The following ERC2 variants were observed in gnomAD, a reference collection of about 807,000 sequenced individuals.
ERC2 encodes the protein ERC protein 2.
A neutral mutation model predicts 114.8 loss-of-function variants in ERC2; 42 were observed. The observed-to-expected ratio is 0.37, with a 90% CI of 0.29 to 0.47. The LOEUF is 0.47. Among genes scored for constraint, ERC2 ranks in the 20% least tolerant of loss-of-function variants. The probability of loss-of-function intolerance (pLI) is 0.99; values close to 1 mark genes in which losing one functional copy is unlikely to be tolerated. For missense variants in ERC2, 939 were observed against 1,150.7 expected (o/e 0.82, Z 2.66); for synonymous variants, 454 against 425.5 (o/e 1.07, Z -0.82).
intron 12 of ERC2, among the ~76,000 whole-genome samples, chr3:55,980,697 C>T (rs939195058): frequency 2.0e-5 from 3 of 151,614 alleles, no homozygotes; most frequent in South Asian, 2.1e-4. Flanking sequence ...TATGGTAGTA[C>T]CAACCAAAAG....
chr3:55,987,721 A>AAC (rs2070741961), intron 11 of ERC2, among the ~76,000 whole-genome samples: 1 of 152,248 alleles, frequency 6.6e-6, no homozygotes, highest in Middle Eastern at 3.2e-3. Flanking sequence ...AAGAAAAAAT[A>AAC]ACATTCTCTT....
intron 14 of ERC2, among the ~76,000 whole-genome samples, chr3:55,812,889 G>T (rs373925626): frequency 7.9e-5 from 12 of 152,236 alleles, no homozygotes; most frequent in African/African-American, 2.9e-4. Context: ...CTTGCATGCT[G>T]CCTGGACCAA....
intron 10 of ERC2, among the ~76,000 whole-genome samples, chr3:56,000,625 A>G (rs1057165203): frequency 6.6e-6 from 1 of 152,154 alleles, no homozygotes; most frequent in Admixed American, 6.6e-5. Flanking sequence ...AAAGTTATGT[A>G]AAATGACAAT....
chr3:55,957,709 G>A (rs1409813840), intron 12 of ERC2, among the ~76,000 whole-genome samples: 2 of 152,194 alleles, frequency 1.3e-5, no homozygotes, highest in Non-Finnish European at 2.9e-5. Flanking sequence ...GCACAGCCAG[G>A]TGTTCCAGCT....
At chr3:55,903,536 A>G (rs1182585345) in intron 13 of ERC2, among the ~76,000 whole-genome samples, 1 of 152,234 alleles carries the variant, frequency 6.6e-6, no homozygotes, top group Admixed American at 6.5e-5. Context: ...CATTTCTTCA[A>G]GAATATATAG....
At chr3:55,995,006 A>T (rs1914864) in intron 10 of ERC2, among the ~76,000 whole-genome samples, 108,227 of 152,142 alleles carry the variant, frequency 0.71, 38,642 homozygotes, top group Middle Eastern at 0.84. Context: ...TATTAACAGA[A>T]CACACTTCAA....
intron 5 of ERC2, among the ~76,000 whole-genome samples, chr3:56,148,322 G>A (rs2081250833): frequency 6.6e-6 from 1 of 151,848 alleles, no homozygotes. Flanking sequence ...GTCTTGCTCT[G>A]TCACCCAGGC....
chr3:56,285,760 TAC>T (rs778047912), intron 3 of ERC2, among the ~76,000 whole-genome samples: 2 of 152,228 alleles, frequency 1.3e-5, no homozygotes, highest in Non-Finnish European at 2.9e-5. Context: ...CCTGCAGATA[TAC>T]ACAGTTTCTT....
rs60497866 is a variant in ERC2 at position 56,056,864 on chromosome 3, G to T, written c.1641+23953C>A. Reference sequence around the variant, plus strand: ...TTTTTTAAAAAAGGATTCATTAGGCGCCAGTTATTGTACTGAGCTCTTTTC... The same window carrying T: ...TTTTTTAAAAAAGGATTCATTAGGCTCCAGTTATTGTACTGAGCTCTTTTC... On this transcript the variant is annotated intron_variant, in intron 7 of 17. Transcript: ENST00000288221. Among the ~76,000 whole-genome samples the T allele has an allele frequency of 2.6e-3, 399 of 152,178 alleles. 2 individuals carry two copies. Among genetic ancestry groups the T allele is most frequent in the African/African-American group, 9.3e-3 (384 of 41,504 alleles).
intron 17 of ERC2, among the ~76,000 whole-genome samples, chr3:55,625,729 C>T (rs9311573): frequency 0.36 from 54,402 of 150,868 alleles, 10,534 homozygotes; most frequent in East Asian, 0.61. Flanking sequence ...CCAGCCTGGG[C>T]GACAGAGCGA....
intron 17 of ERC2, among the ~76,000 whole-genome samples, chr3:55,607,584 C>T (rs1235902020): frequency 6.8e-6 from 1 of 146,424 alleles, no homozygotes; most frequent in Non-Finnish European, 1.5e-5. Context: ...AGTGGGATCT[C>T]AGGAAACTAA....
chr3:56,368,184 T>TAAAA (rs779938850), intron 2 of ERC2, among the ~76,000 whole-genome samples: 143 of 87,974 alleles, frequency 1.6e-3, no homozygotes, highest in African/African-American at 4.6e-3. Flanking sequence ...TCTTTTTTTT[T>TAAAA]TAAAAAAAAA....
intron 3 of ERC2, among the ~76,000 whole-genome samples, chr3:56,241,573 T>C (rs968142507): frequency 6.6e-6 from 1 of 152,198 alleles, no homozygotes; most frequent in Non-Finnish European, 1.5e-5. Flanking sequence ...ACTTTCTTGA[T>C]AGAAAATTGG....
chr3:56,170,854 T>C (rs2082627380), intron 4 of ERC2, among the ~76,000 whole-genome samples: 1 of 148,062 alleles, frequency 6.8e-6, no homozygotes, highest in East Asian at 2.1e-4. Context: ...AAGCTCCGCC[T>C]CCTGGGTTCA....
At chr3:56,037,736 C>T (rs2074895972) in intron 7 of ERC2, among the ~76,000 whole-genome samples, 2 of 152,082 alleles carry the variant, frequency 1.3e-5, no homozygotes, top group Non-Finnish European at 2.9e-5. Context: ...AGATCAACCC[C>T]AAGACACAGA....
At chr3:55,885,632 A>C (rs1490492068) in intron 14 of ERC2, among the ~76,000 whole-genome samples, 1 of 152,258 alleles carries the variant, frequency 6.6e-6, no homozygotes, top group Non-Finnish European at 1.5e-5. Flanking sequence ...CCATGAAGTT[A>C]AGTGGGAAAA....
chr3:56,413,922 T>C (rs1382375033), intron 2 of ERC2, among the ~76,000 whole-genome samples: 1 of 152,164 alleles, frequency 6.6e-6, no homozygotes, highest in Non-Finnish European at 1.5e-5. Context: ...ACCACAGCCC[T>C]TGTCTGATCA....
chr3:55,944,481 A>T (rs2067006493), intron 13 of ERC2, among the ~76,000 whole-genome samples: 1 of 152,276 alleles, frequency 6.6e-6, no homozygotes, highest in African/African-American at 2.4e-5. Context: ...GATGTTTCTC[A>T]GAAGAAATAT....
intron 4 of ERC2, among the ~76,000 whole-genome samples, chr3:56,169,777 C>A: frequency 6.8e-6 from 1 of 147,688 alleles, no homozygotes; most frequent in Non-Finnish European, 1.5e-5. Flanking sequence ...GATTATTTGA[C>A]AAGAACTACC....
Sources: gnomAD v4.1 joint callset for allele counts (sites outside exome capture counted in the v4.1 genomes callset) on GRCh38, gnomAD v4.1.1 for gene constraint, MANE v1.5 for transcripts, NCBI Gene and HGNC (gene_info 2026-07-23, HGNC 2026-07-21) for gene names.